WWC1: variants seen among roughly 807,000 people sequenced by gnomAD.
WWC1 encodes the protein protein KIBRA.
WWC1 carries 55 observed loss-of-function variants against 138.4 expected under a neutral mutation model. That is an observed-to-expected ratio of 0.40 (90% confidence interval 0.32 to 0.50). WWC1 has a LOEUF of 0.50. Ranked by LOEUF, WWC1 falls within the 20% of genes least tolerant of loss-of-function variation. The pLI is 0.72. For synonymous variants in WWC1, 524 were observed against 564.9 expected (o/e 0.93, Z 1.03); for missense variants, 1,226 against 1,420.4 (o/e 0.86, Z 2.20).
intron 5 of WWC1, among the ~76,000 whole-genome samples, chr5:168,403,079 T>TTTCC (rs1491364364): frequency 3.1e-5 from 3 of 95,782 alleles, no homozygotes; most frequent in African/African-American, 1.2e-4. Context: ...TCTTTCTTTC[T>TTTCC]TTTCTTTCTT....
intron 7 of WWC1, 60 bp downstream of exon 7, chr5:168,408,713 G>A (rs1435733111): frequency 5.0e-6 from 8 of 1,596,010 alleles, no homozygotes; most frequent in South Asian, 1.1e-5. Context: ...GGAGGCTGCT[G>A]TAATGGACAG....
Position 168,344,877 on chromosome 5 carries a change from T to C in WWC1, c.120-26547T>C, listed in dbSNP as rs185052249. Among the ~76,000 whole-genome samples the C allele has an allele frequency of 1.4e-4, 22 of 152,360 alleles. 1 individual carries two copies. The East Asian group carries it at 4.2e-3, about 29-fold the overall frequency. ...TAAAAATTTTAAAGTATATTTATACTGTATTTAACAACATACTGCAACCAT... is the reference window on the plus strand; with the variant it reads ...TAAAAATTTTAAAGTATATTTATACCGTATTTAACAACATACTGCAACCAT... On this transcript the variant is annotated intron_variant, in intron 1 of 22. Coordinates refer to ENST00000265293, the MANE Select transcript of WWC1 (RefSeq NM_015238.3).
intron 1 of WWC1, among the ~76,000 whole-genome samples, chr5:168,353,427 C>T (rs911690344): frequency 8.5e-5 from 13 of 152,264 alleles, no homozygotes; most frequent in South Asian, 2.1e-4. Flanking sequence ...TGTGCAAACA[C>T]GCGACAGCCC....
intron 3 of WWC1, among the ~76,000 whole-genome samples, chr5:168,392,262 G>C (rs559535982): frequency 6.6e-6 from 1 of 152,244 alleles, no homozygotes; most frequent in South Asian, 2.1e-4. Flanking sequence ...GCCCAGAACA[G>C]TGCCAGGTCA....
chr5:168,409,694 T>A (rs1248025723), intron 7 of WWC1, among the ~76,000 whole-genome samples: 1 of 152,238 alleles, frequency 6.6e-6, no homozygotes, highest in Non-Finnish European at 1.5e-5. Context: ...TTGGCTTCTA[T>A]TTTCAAAGTG....
intron 1 of WWC1, among the ~76,000 whole-genome samples, chr5:168,312,764 CGCAG>C (rs1431995360): frequency 6.6e-6 from 1 of 151,486 alleles, no homozygotes; most frequent in Non-Finnish European, 1.5e-5. Context: ...TGGTGCCAAC[CGCAG>C]CAGCTGCCCA....
intron 1 of WWC1, among the ~76,000 whole-genome samples, chr5:168,321,565 ACT>A (rs1360506351): frequency 7.5e-6 from 1 of 133,660 alleles, no homozygotes; most frequent in Non-Finnish European, 1.6e-5. Context: ...ACGAAGTTTC[ACT>A]CTTGTTGCCC....
At chr5:168,339,999 T>C (rs1396291539) in intron 1 of WWC1, among the ~76,000 whole-genome samples, 1 of 103,668 alleles carries the variant, frequency 9.6e-6, no homozygotes, top group Admixed American at 9.8e-5. Flanking sequence ...CTCTCTCTCT[T>C]TCTCTCTTTC....
chr5:168,437,413 A>C (rs972960264), intron 15 of WWC1, among the ~76,000 whole-genome samples: 5 of 152,164 alleles, frequency 3.3e-5, no homozygotes, highest in African/African-American at 1.2e-4. Flanking sequence ...ATTGGCAACT[A>C]TTTCTCTTTC....
At position 168,292,245 on chromosome 5, in the gene WWC1, C is replaced by G. The variant is rs1323288064; in HGVS notation, c.93C>G (p.Thr31=). 2.6e-5 allele frequency: 41 copies of G among 1,598,754 alleles called. No homozygotes were observed. The highest frequency in any genetic ancestry group is 1.4e-4 in the Admixed American group (8 of 58,538). The change falls in exon 1 of 23, where the codon ACC becomes ACG. Residue 31 remains threonine (T), a synonymous_variant. Transcript: ENST00000265293. The surrounding 1 kb of genome is among the most constrained non-coding windows in gnomAD (Gnocchi z 4.4). The stretch of plus-strand genomic sequence containing the variant: ...ACTACATAGACCACACGAACCGCAC[C>G]ACCAGCTGGATCGACCCGCGGGACA... ...KVYYIDHTNR[T]TSWIDPRDRY...
intron 1 of WWC1, among the ~76,000 whole-genome samples, chr5:168,317,888 T>C (rs1230768307): frequency 2.0e-5 from 3 of 152,168 alleles, no homozygotes; most frequent in Non-Finnish European, 4.4e-5. Context: ...ATCAGTGTAA[T>C]GCAATAGCCC....
chr5:168,343,526 A>G (rs543194112), intron 1 of WWC1, among the ~76,000 whole-genome samples: 9 of 152,308 alleles, frequency 5.9e-5, no homozygotes, highest in African/African-American at 1.9e-4. Flanking sequence ...AGGGGCTGAC[A>G]TATATTAAGA....
At chr5:168,397,952 T>G in intron 4 of WWC1, 152 bp downstream of exon 4, 1 of 761,732 alleles carries the variant, frequency 1.3e-6, no homozygotes, top group South Asian at 1.6e-5. Flanking sequence ...GAAGCGGTAG[T>G]CACAGTAATA....
chr5:168,455,933 T>C (rs375973954), intron 19 of WWC1, among the ~76,000 whole-genome samples: 1 of 152,046 alleles, frequency 6.6e-6, no homozygotes, highest in South Asian at 2.1e-4. Context: ...GTTTGTTTTG[T>C]TTTTTTTAAT....
At chr5:168,413,330 A>G (rs996721627) in intron 8 of WWC1, among the ~76,000 whole-genome samples, 2 of 152,184 alleles carry the variant, frequency 1.3e-5, no homozygotes, top group Admixed American at 6.5e-5. Flanking sequence ...GTTGTTAGCT[A>G]TTTGTAGCAG....
At chr5:168,408,745 G>C (rs1051733242) in intron 7 of WWC1, 92 bp downstream of exon 7, 2 of 1,553,026 alleles carry the variant, frequency 1.3e-6, no homozygotes, top group Non-Finnish European at 1.7e-6. Context: ...TGGCTCACCA[G>C]GGAGCTGGCC....
chr5:168,311,976 G>A (rs1561594981), intron 1 of WWC1, among the ~76,000 whole-genome samples: 1 of 152,138 alleles, frequency 6.6e-6, no homozygotes. Flanking sequence ...TTGAACCTGG[G>A]AGGCAGAGGT....
intron 1 of WWC1, among the ~76,000 whole-genome samples, chr5:168,298,914 T>A (rs1769806191): frequency 6.6e-6 from 1 of 152,068 alleles, no homozygotes; most frequent in African/African-American, 2.4e-5. Context: ...TGAAACCACG[T>A]CTCTACTAAA....
chr5:168,382,375 A>G (rs73390793), intron 2 of WWC1, among the ~76,000 whole-genome samples: 10,495 of 152,288 alleles, frequency 0.069, 496 homozygotes, highest in African/African-American at 0.13. Context: ...GGGCAATGGG[A>G]TTGGAGAGAT....
Sources: allele counts gnomAD v4.1 joint callset (sites outside exome capture counted in the v4.1 genomes callset), GRCh38; gene constraint gnomAD v4.1.1; non-coding constraint Gnocchi (gnomAD v3.1); transcripts MANE v1.5; gene names NCBI Gene and HGNC (gene_info 2026-07-23, HGNC 2026-07-21).